NDUFA10: variants seen among roughly 807,000 people sequenced by gnomAD.
NDUFA10 encodes NADH dehydrogenase [ubiquinone] 1 alpha subcomplex subunit 10, mitochondrial.
In NDUFA10, 40 loss-of-function variants were observed where a neutral mutation model predicts 47.8. The ratio of observed to expected loss-of-function variants is 0.84; its 90% CI spans 0.65 to 1.09. The LOEUF is 1.09. NDUFA10 is among the 50% of genes least tolerant of loss of function. NDUFA10 has a pLI of 0.00. For synonymous variants in NDUFA10, 183 were observed against 172.2 expected, an observed-to-expected ratio of 1.06 and a Z score of -0.49; for missense variants, 413 against 451.1, an observed-to-expected ratio of 0.92 and a Z score of 0.76.
chr2:239,949,661 T>A (rs2106383240), intron 4 of NDUFA10, among the ~76,000 whole-genome samples: 1 of 152,174 alleles, frequency 6.6e-6, no homozygotes, highest in South Asian at 2.1e-4. Context: ...ACTTTTACTT[T>A]TTGAAGAGAC....
Position 239,928,660 on chromosome 2 carries a change from T to C in NDUFA10, c.295-33346A>G, listed in dbSNP as rs1694106132. ...ACTCTCACCTGTGATTCCCAAGCTG[T>C]CTCCAAGCCCTGCCTCACCTGCTCC... On this transcript the variant is annotated intron_variant, in intron 4 of 5. Coordinates refer to the NDUFA10 transcript ENST00000419408. This position sits in a 1 kb window ranked among gnomAD's most constrained non-coding sequence, Gnocchi z 4.3. Among the ~76,000 whole-genome samples, 1 of 152,104 alleles carries C rather than the reference T, an allele frequency of 6.6e-6. No individual in the cohort carries two copies. Among genetic ancestry groups the C allele is most frequent in the Non-Finnish European group, 1.5e-5 (1 of 68,018 alleles).
chr2:239,899,014 G>GA (rs1693465803), intron 4 of NDUFA10, among the ~76,000 whole-genome samples: 1 of 118,422 alleles, frequency 8.4e-6, no homozygotes, highest in African/African-American at 3.0e-5. Flanking sequence ...GTGTGATGGA[G>GA]GGGAGTCATG....
At chr2:239,946,494 G>C (rs544653278) in intron 4 of NDUFA10, among the ~76,000 whole-genome samples, 1 of 152,184 alleles carries the variant, frequency 6.6e-6, no homozygotes, top group Non-Finnish European at 1.5e-5. Context: ...TCAGAGCCAC[G>C]GAGTGAGTCT....
In NDUFA10 at chr2:239,915,273, C is replaced by T. The variant is rs1290666501; in HGVS notation, c.295-19959G>A. 2.7e-5 allele frequency among the ~76,000 whole-genome samples: 4 copies of T among 150,560 alleles called. No individual in the cohort carries two copies. The South Asian group carries it at 6.3e-4, about 24-fold the overall frequency. On this transcript the variant is annotated intron_variant, in intron 4 of 5. Transcript: ENST00000419408. ...CACACAACACACACACATACAGACACACACAAATATACAGACACAGACAGA... is the reference window on the plus strand; with the variant it reads ...CACACAACACACACACATACAGACATACACAAATATACAGACACAGACAGA...
Position 240,025,244 on chromosome 2 carries a change from C to T in NDUFA10, c.58G>A (p.Ala20Thr). Residue 20 changes from alanine to threonine, a missense_variant, in exon 1 of 10, where the codon GCG becomes ACG. Ala to Thr is a moderately conservative substitution (Grantham distance 58). Coordinates refer to ENST00000252711, the MANE Select transcript of NDUFA10 (RefSeq NM_004544.4). Reference sequence around the variant, plus strand: ...CCGCTCACCACGCGCTGGGCGCCCGCCGCCACGACCCGGGCGGACGCGGAC... The same window carrying T: ...CCGCTCACCACGCGCTGGGCGCCCGTCGCCACGACCCGGGCGGACGCGGAC... ...ATSASARVVA[A>T]GAQRVRGIHS... 1 of 1,494,972 alleles carries T rather than the reference C, an allele frequency of 6.7e-7. No individual in the cohort carries two copies. The allele number at this position is 1,494,972 out of a possible 1,614,324, so 92.6% of individuals were successfully genotyped here. A position where few individuals can be genotyped will look rare whatever the true frequency, so the allele number is the denominator to read the frequency against.
intron 4 of NDUFA10, chr2:240,017,875 C>G (rs1450846122): frequency 1.3e-6 from 2 of 1,571,366 alleles, no homozygotes; most frequent in Non-Finnish European, 1.7e-6. Context: ...CTCCCAGATT[C>G]CAGCTTTCCA....
chr2:239,912,750 C>A (rs1472909539), intron 4 of NDUFA10, among the ~76,000 whole-genome samples: 3 of 152,212 alleles, frequency 2.0e-5, no homozygotes, highest in Non-Finnish European at 4.4e-5. Context: ...ACACTGAGGA[C>A]ACAGGTGACA....
At chr2:239,988,555 A>G (rs1380520239) in intron 9 of NDUFA10, among the ~76,000 whole-genome samples, 1 of 152,188 alleles carries the variant, frequency 6.6e-6, no homozygotes, top group African/African-American at 2.4e-5. Flanking sequence ...GGCAGAGACT[A>G]AACCCAAGGA....
At chr2:239,995,005 C>T (rs774167188) in intron 8 of NDUFA10, among the ~76,000 whole-genome samples, 7 of 152,090 alleles carry the variant, frequency 4.6e-5, no homozygotes, top group South Asian at 2.1e-4. Context: ...CCGGGTGCGG[C>T]GACTCATGTC....
chr2:239,892,639 A>T (rs1230287487), exon 6 of NDUFA10: 1 of 152,140 alleles, frequency 6.6e-6, no homozygotes, highest in Non-Finnish European at 1.5e-5. Context: ...GGGAAGGGAG[A>T]ATGCTGCTCT....
intron 4 of NDUFA10, among the ~76,000 whole-genome samples, chr2:239,933,096 C>G (rs1369425253): frequency 6.6e-6 from 1 of 152,028 alleles, no homozygotes; most frequent in Non-Finnish European, 1.5e-5. Context: ...AGCACAGGGG[C>G]AGGTCCCAGG....
chr2:239,954,075 G>C (rs1694607771), downstream of NDUFA10, among the ~76,000 whole-genome samples: 1 of 151,640 alleles, frequency 6.6e-6, no homozygotes. Context: ...GACTGCCTCA[G>C]GGCTGTGAGA....
At chr2:240,000,845 C>T (rs1696680228) in intron 8 of NDUFA10, among the ~76,000 whole-genome samples, 1 of 152,254 alleles carries the variant, frequency 6.6e-6, no homozygotes, top group South Asian at 2.1e-4. Flanking sequence ...CAACAGGCTC[C>T]ACCACACCAC....
intron 4 of NDUFA10, among the ~76,000 whole-genome samples, chr2:239,926,143 A>G (rs1694061603): frequency 2.0e-5 from 3 of 152,364 alleles, no homozygotes; most frequent in Admixed American, 1.3e-4. Context: ...ACTTCTGGGC[A>G]TTTACACCAG....
intron 5 of NDUFA10, chr2:240,013,791 G>C (rs1574889156): frequency 6.6e-6 from 1 of 152,230 alleles, no homozygotes; most frequent in Non-Finnish European, 1.5e-5. Context: ...CCGGCACTGA[G>C]GATGGGCATC....
chr2:240,000,874 G>T (rs1696682245), intron 8 of NDUFA10, among the ~76,000 whole-genome samples: 3 of 152,270 alleles, frequency 2.0e-5, no homozygotes, highest in Non-Finnish European at 4.4e-5. Flanking sequence ...GCAGGTTATA[G>T]CATCTACGCT....
chr2:239,932,729 G>A (rs911114853), intron 4 of NDUFA10, among the ~76,000 whole-genome samples: 4 of 152,012 alleles, frequency 2.6e-5, no homozygotes, highest in Non-Finnish European at 5.9e-5. Context: ...ACAGGCATCC[G>A]CCACCATACC....
intron 4 of NDUFA10, among the ~76,000 whole-genome samples, chr2:240,017,327 C>G (rs1697398074): frequency 6.6e-6 from 1 of 152,184 alleles, no homozygotes; most frequent in African/African-American, 2.4e-5. Context: ...GACACCACCA[C>G]CAGCCTGTGG....
At chr2:239,951,029 T>G (rs999878166) in intron 4 of NDUFA10, among the ~76,000 whole-genome samples, 3 of 152,042 alleles carry the variant, frequency 2.0e-5, no homozygotes, top group Non-Finnish European at 2.9e-5. Context: ...CTGGAAGGAG[T>G]GCAGAAGGGC....
Sources: gnomAD v4.1 joint callset for allele counts (sites outside exome capture counted in the v4.1 genomes callset) on GRCh38, gnomAD v4.1.1 for gene constraint, Gnocchi (gnomAD v3.1) non-coding constraint, MANE v1.5 for transcripts, NCBI Gene and HGNC (gene_info 2026-07-23, HGNC 2026-07-21) for gene names.